Variants in CACNA1C observed in about 807,000 individuals in gnomAD.
The protein encoded by CACNA1C is voltage-dependent L-type calcium channel subunit alpha-1C.
CACNA1C carries 30 observed loss-of-function variants against 229.0 expected under a neutral mutation model. The observed-to-expected ratio is 0.13, with a 90% CI of 0.10 to 0.18. The LOEUF (loss-of-function observed/expected upper bound fraction) is 0.18, where lower values mean the gene tolerates loss of function less well. CACNA1C is among the 10% of genes least tolerant of loss of function. The probability of loss-of-function intolerance (pLI) is 1.00; values close to 1 mark genes in which losing one functional copy is unlikely to be tolerated. For missense variants in CACNA1C, 1,658 were observed against 2,845.0 expected, an observed-to-expected ratio of 0.58 and a Z score of 9.49; for synonymous variants, 1,114 against 1,132.5, an observed-to-expected ratio of 0.98 and a Z score of 0.33.
intron 34 of CACNA1C, among the ~76,000 whole-genome samples, chr12:2,663,976 G>A (rs182598276): frequency 0.027 from 4,078 of 152,046 alleles, 83 homozygotes; most frequent in Middle Eastern, 0.062. Context: ...TCCTGACCTC[G>A]TGATCCGCCC....
chr12:2,303,049 C>T (rs184384899), intron 3 of CACNA1C, among the ~76,000 whole-genome samples: 89 of 152,340 alleles, frequency 5.8e-4, no homozygotes, highest in Middle Eastern at 3.4e-3. Context: ...TCTCCCAGGA[C>T]GGAGGCGGGA....
rs902340331 is a variant in CACNA1C, at chr12:2,029,079, T to C, written c.139+57878T>C. 2.0e-4 allele frequency among the ~76,000 whole-genome samples: 30 copies of C among 152,138 alleles called. No individual in the cohort carries two copies. Among genetic ancestry groups the C allele is most frequent in the African/African-American group, 7.0e-4 (29 of 41,432 alleles). On this transcript the variant is annotated intron_variant, in intron 1 of 46. Coordinates refer to the CACNA1C transcript ENST00000682462. This position sits in a 1 kb window ranked among gnomAD's most constrained non-coding sequence, Gnocchi z 4.9. ...CCATTTGGACTGGAGGCATGTCTTA[T>C]GTTACAAGTACCTGAGTGAGAACTG...
At chr12:2,155,917 T>C (rs905898328) in intron 3 of CACNA1C, among the ~76,000 whole-genome samples, 2 of 152,184 alleles carry the variant, frequency 1.3e-5, no homozygotes, top group African/African-American at 4.8e-5. Context: ...TCTTTTTCTG[T>C]CCCCTCCATA....
chr12:2,045,202 A>G (rs1164701193), intron 1 of CACNA1C, among the ~76,000 whole-genome samples: 1 of 152,234 alleles, frequency 6.6e-6, no homozygotes, highest in African/African-American at 2.4e-5. Flanking sequence ...AGAACTTAGA[A>G]TGCATTCACA....
intron 3 of CACNA1C, among the ~76,000 whole-genome samples, chr12:2,325,919 T>A (rs1032389177): frequency 6.6e-6 from 1 of 152,206 alleles, no homozygotes; most frequent in African/African-American, 2.4e-5. Context: ...CGCTACTGTG[T>A]GTGCGAGCTC....
intron 1 of CACNA1C, among the ~76,000 whole-genome samples, chr12:2,102,216 C>T (rs574037408): frequency 3.9e-5 from 6 of 152,334 alleles, no homozygotes; most frequent in South Asian, 4.1e-4. Context: ...TACTTCTGCA[C>T]GGAAACCTTT....
chr12:2,643,172 A>G (rs2093928932), intron 30 of CACNA1C, among the ~76,000 whole-genome samples: 2 of 152,244 alleles, frequency 1.3e-5, no homozygotes, highest in Non-Finnish European at 2.9e-5. Flanking sequence ...CTCCAAACAC[A>G]CAAGAAAGGC....
At chr12:2,405,284 T>C (rs2098723641) in intron 3 of CACNA1C, among the ~76,000 whole-genome samples, 1 of 152,198 alleles carries the variant, frequency 6.6e-6, no homozygotes, top group Non-Finnish European at 1.5e-5. Context: ...GGAAACTGAC[T>C]TTGGAACAAC....
intron 3 of CACNA1C, among the ~76,000 whole-genome samples, chr12:2,334,438 G>T (rs947348645): frequency 2.6e-5 from 4 of 152,140 alleles, no homozygotes; most frequent in African/African-American, 7.2e-5. Context: ...TAGCAGACTG[G>T]GCACATGTCC....
chr12:2,222,646 C>A (rs2061772247), intron 3 of CACNA1C, among the ~76,000 whole-genome samples: 1 of 152,158 alleles, frequency 6.6e-6, no homozygotes, highest in Non-Finnish European at 1.5e-5. Flanking sequence ...CTTTAGTACA[C>A]CTTTGCCTGG....
chr12:2,124,709 T>C (rs1373438661), intron 3 of CACNA1C, among the ~76,000 whole-genome samples: 1 of 151,988 alleles, frequency 6.6e-6, no homozygotes. Flanking sequence ...CCTGGACGGG[T>C]AACCAGTTGG....
At chr12:2,686,762 G>C (rs2097526343) in intron 45 of CACNA1C, among the ~76,000 whole-genome samples, 1 of 152,210 alleles carries the variant, frequency 6.6e-6, no homozygotes, top group African/African-American at 2.4e-5. Flanking sequence ...GCAGGTCCAG[G>C]GAGATTCCAT....
chr12:2,378,654 T>C (rs964317848), intron 3 of CACNA1C, among the ~76,000 whole-genome samples: 21 of 152,224 alleles, frequency 1.4e-4, no homozygotes, highest in Non-Finnish European at 8.8e-5. Flanking sequence ...CCATTCTAAA[T>C]AAGGTCGGGG....
intron 5 of CACNA1C, among the ~76,000 whole-genome samples, chr12:2,458,094 T>C (rs2099453685): frequency 1.3e-5 from 2 of 152,214 alleles, no homozygotes; most frequent in Admixed American, 1.3e-4. Context: ...ATCTCTACTT[T>C]CTGTGTTTTT....
At chr12:2,326,772 C>T (rs1255696787) in intron 3 of CACNA1C, among the ~76,000 whole-genome samples, 1 of 152,200 alleles carries the variant, frequency 6.6e-6, no homozygotes, top group Non-Finnish European at 1.5e-5. Context: ...TAGCGTGATA[C>T]TTGATCGATC....
chr12:2,657,257 G>T (rs1452970863), intron 34 of CACNA1C, among the ~76,000 whole-genome samples: 1 of 152,184 alleles, frequency 6.6e-6, no homozygotes, highest in Admixed American at 6.5e-5. Flanking sequence ...TACTTGTTAA[G>T]GGGAAAATGT....
intron 3 of CACNA1C, among the ~76,000 whole-genome samples, chr12:2,392,430 C>T (rs1224788164): frequency 6.6e-6 from 1 of 152,188 alleles, no homozygotes; most frequent in Non-Finnish European, 1.5e-5. Flanking sequence ...ATAGCTTTCA[C>T]CTGTCTGGGC....
chr12:2,609,533 A>T (rs1360099664), intron 27 of CACNA1C, among the ~76,000 whole-genome samples: 1 of 150,504 alleles, frequency 6.6e-6, no homozygotes, highest in African/African-American at 2.5e-5. Flanking sequence ...AGAGGAGGCC[A>T]GTTAGAAAGT....
intron 9 of CACNA1C, among the ~76,000 whole-genome samples, chr12:2,531,361 C>G (rs970651402): frequency 5.3e-5 from 8 of 152,168 alleles, no homozygotes; most frequent in African/African-American, 1.9e-4. Flanking sequence ...GTATGGAGAC[C>G]TGGTTCCTAG....
Sources: gnomAD v4.1 joint callset for allele counts (sites outside exome capture counted in the v4.1 genomes callset) on GRCh38, gnomAD v4.1.1 for gene constraint, Gnocchi (gnomAD v3.1) non-coding constraint, MANE v1.5 for transcripts, NCBI Gene and HGNC (gene_info 2026-07-23, HGNC 2026-07-21) for gene names.